COL14A1: variants seen among roughly 807,000 people sequenced by gnomAD.
COL14A1 encodes the protein collagen alpha-1(XIV) chain.
A neutral mutation model predicts 230.3 loss-of-function variants in COL14A1; 136 were observed. The ratio of observed to expected loss-of-function variants is 0.59; its 90% CI spans 0.51 to 0.68. The LOEUF (loss-of-function observed/expected upper bound fraction) is 0.68, where lower values mean the gene tolerates loss of function less well. COL14A1 is among the 30% of genes least tolerant of loss of function. COL14A1 has a pLI of 0.00. For synonymous variants in COL14A1, 792 were observed against 784.1 expected (o/e 1.01, Z -0.17); for missense variants, 1,976 against 2,215.8 (o/e 0.89, Z 2.17).
chr8:120,208,222 C>A lies in COL14A1; in HGVS notation c.1192-10C>A. The stretch of plus-strand genomic sequence containing the variant: ...CCATACTCTCATTACTCAAACTGTT[C>A]TTTAAACAGGTGGTGGTAGATGGAA... On this transcript the variant is annotated splice_polypyrimidine_tract_variant and intron_variant, in intron 10 of 47. Transcript: ENST00000297848. 6.2e-7 allele frequency: 1 copy of A among 1,602,064 alleles called. No individual in the cohort carries two copies. The highest frequency in any genetic ancestry group is 8.5e-7 in the Non-Finnish European group (1 of 1,171,930).
chr8:120,328,826 C>T (rs889572279), intron 40 of COL14A1, among the ~76,000 whole-genome samples: 3 of 152,174 alleles, frequency 2.0e-5, no homozygotes, highest in Non-Finnish European at 4.4e-5. Context: ...CAGCTTGCCT[C>T]CTTCTGTGAA....
At chr8:120,231,362 G>C (rs1411226388) in intron 18 of COL14A1, 105 bp from the exon 19 acceptor site, 1 of 1,204,654 alleles carries the variant, frequency 8.3e-7, no homozygotes, top group South Asian at 1.5e-5. Flanking sequence ...ATATTACAGG[G>C]ATACATTAAA....
chr8:120,259,787 G>A (rs1260746101), intron 23 of COL14A1, among the ~76,000 whole-genome samples: 1 of 152,152 alleles, frequency 6.6e-6, no homozygotes, highest in East Asian at 1.9e-4. Context: ...GGTTTGTGGA[G>A]GTAGATCAGT....
intron 29 of COL14A1, 68 bp from the exon 30 acceptor site, chr8:120,280,643 G>A: frequency 2.8e-6 from 4 of 1,448,372 alleles, no homozygotes; most frequent in Non-Finnish European, 3.9e-6. Flanking sequence ...CCTGTTCTCA[G>A]GACAGGGAAA....
In COL14A1 at chr8:120,332,713, C is replaced by G; in HGVS notation, c.4763C>G (p.Pro1588Arg). Residue 1588 changes from proline to arginine, a missense_variant, in exon 42 of 48, where the codon CCG becomes CGG. Coordinates refer to ENST00000297848, the MANE Select transcript of COL14A1 (RefSeq NM_021110.4). The stretch of plus-strand genomic sequence containing the variant: ...CCAGGGATCACAGGAAGCATGGGAC[C>G]GCAAGGCGCCCTGGGACCACCTGTG... ...GVPGITGSMG[P>R]QGALGPPGVP... The G allele has an allele frequency of 6.2e-7, 1 of 1,613,256 alleles. No homozygotes were observed. The highest frequency in any genetic ancestry group is 8.5e-7 in the Non-Finnish European group (1 of 1,179,486).
intron 25 of COL14A1, among the ~76,000 whole-genome samples, chr8:120,269,176 C>A (rs934104407): frequency 1.3e-5 from 2 of 151,712 alleles, no homozygotes; most frequent in African/African-American, 2.4e-5. Context: ...TTAAAAGATT[C>A]AGACTATTGA....
chr8:120,136,612 T>A (rs1814715666), intron 1 of COL14A1, among the ~76,000 whole-genome samples: 1 of 152,100 alleles, frequency 6.6e-6, no homozygotes, highest in African/African-American at 2.4e-5. Context: ...TATATCTATG[T>A]TCATAAGGGT....
intron 1 of COL14A1, among the ~76,000 whole-genome samples, chr8:120,133,509 T>C (rs1161561232): frequency 6.6e-6 from 1 of 152,168 alleles, no homozygotes; most frequent in East Asian, 1.9e-4. Context: ...ATAATTGTCA[T>C]GTTAAAAAGT....
chr8:120,204,293 GA>G (rs1563670325), intron 9 of COL14A1, among the ~76,000 whole-genome samples: 1 of 152,074 alleles, frequency 6.6e-6, no homozygotes, highest in Non-Finnish European at 1.5e-5. Context: ...CCACCACAAG[GA>G]TCACTCCTGT....
intron 42 of COL14A1, among the ~76,000 whole-genome samples, chr8:120,337,995 A>G (rs900417149): frequency 6.6e-6 from 1 of 152,210 alleles, no homozygotes; most frequent in African/African-American, 2.4e-5. Context: ...AATTAAACAC[A>G]TCCGTCCCTA....
chr8:120,143,008 A>G (rs1195906076), intron 1 of COL14A1, among the ~76,000 whole-genome samples: 1 of 152,226 alleles, frequency 6.6e-6, no homozygotes, highest in African/African-American at 2.4e-5. Flanking sequence ...TGCTGCATTC[A>G]TCAGAGGCTT....
chr8:120,176,722 T>C (rs1415554898), intron 5 of COL14A1, among the ~76,000 whole-genome samples: 19 of 152,144 alleles, frequency 1.2e-4, no homozygotes, highest in Admixed American at 1.2e-3. Flanking sequence ...GGTTCAGTCA[T>C]AAACAGGACA....
At chr8:120,279,552 G>GA (rs34439316) in intron 28 of COL14A1, among the ~76,000 whole-genome samples, 321 of 136,614 alleles carry the variant, frequency 2.3e-3, no homozygotes, top group East Asian at 4.6e-3. Context: ...TTCTACTTCT[G>GA]AAAAAAAAAA....
At chr8:120,290,576 T>C (rs904937269) in intron 34 of COL14A1, among the ~76,000 whole-genome samples, 1 of 152,272 alleles carries the variant, frequency 6.6e-6, no homozygotes, top group Admixed American at 6.5e-5. Flanking sequence ...TATGAATTAC[T>C]ATTGTCTCCC....
chr8:120,286,358 A>G lies in COL14A1; in HGVS notation c.4077+388A>G, dbSNP rs1820202209. 2.0e-5 allele frequency among the ~76,000 whole-genome samples: 3 copies of G among 152,186 alleles called. No individual in the cohort carries two copies. In the South Asian group the frequency reaches 6.2e-4, roughly 32 times the overall value. On this transcript the variant is annotated intron_variant, in intron 33 of 47. Transcript: ENST00000297848. ...AGAAGAAAGCACAATCAGCTGAATC[A>G]TCTTAAAATGTGCAGATAGGGATAA...
At chr8:120,229,089 T>TTTTTCTTTTATTTTA (rs1554611479) in intron 18 of COL14A1, among the ~76,000 whole-genome samples, 2 of 137,438 alleles carry the variant, frequency 1.5e-5, no homozygotes, top group African/African-American at 5.5e-5. Flanking sequence ...TTTTTTTTTC[T>TTTTTCTTTTATTTTA]TTTTATTTTA....
At chr8:120,364,253 C>T (rs112112032) in intron 45 of COL14A1, among the ~76,000 whole-genome samples, 102 of 152,168 alleles carry the variant, frequency 6.7e-4, no homozygotes, top group Admixed American at 1.3e-3. Flanking sequence ...TACCCAGGCT[C>T]CACTGCCCTC....
chr8:120,332,551 A>T, intron 41 of COL14A1, 113 bp from the exon 42 acceptor site: 1 of 848,486 alleles, frequency 1.2e-6, no homozygotes, highest in Non-Finnish European at 1.9e-6. Context: ...CCTGGTGATG[A>T]GGGGGAGGGA....
rs1819521418 is a variant in COL14A1, at chr8:120,267,034, G to T, written c.3073+151G>T. 6.3e-6 allele frequency: 4 copies of T among 633,536 alleles called. 1 individual carries two copies. The Middle Eastern group carries it at 1.2e-3, about 190-fold the overall frequency. 39.2% of individuals were successfully genotyped at this position (633,536 alleles called of 1,614,324 possible). A position where few individuals can be genotyped will look rare whatever the true frequency, so the allele number is the denominator to read the frequency against. ...ATACAAATGCTTATCAACCATGATG[G>T]GCTTGAATGATATCCATTTAATATC... On this transcript the variant is annotated intron_variant, in intron 25 of 47. Transcript: ENST00000297848.
Sources: gnomAD v4.1 joint callset for allele counts (sites outside exome capture counted in the v4.1 genomes callset) on GRCh38, gnomAD v4.1.1 for gene constraint, MANE v1.5 for transcripts, NCBI Gene and HGNC (gene_info 2026-07-23, HGNC 2026-07-21) for gene names.